The following NALF1 variants were observed in gnomAD, a reference collection of about 807,000 sequenced individuals.
NALF1 encodes family with sequence similarity 155 member A.
A neutral mutation model predicts 48.4 loss-of-function variants in NALF1; 3 were observed. The observed-to-expected ratio is 0.06, with a 90% CI of 0.03 to 0.16. The LOEUF (loss-of-function observed/expected upper bound fraction) is 0.16. Ranked by LOEUF, NALF1 falls within the 10% of genes least tolerant of loss-of-function variation. The pLI is 1.00. For missense variants in NALF1, 526 were observed against 571.5 expected (o/e 0.92, Z 0.81); for synonymous variants, 262 against 245.7 (o/e 1.07, Z -0.62).
At chr13:107,175,545 T>G (rs1271072590) in intron 2 of NALF1, among the ~76,000 whole-genome samples, 1 of 152,198 alleles carries the variant, frequency 6.6e-6, no homozygotes, top group Non-Finnish European at 1.5e-5. Context: ...CAATGTCTTT[T>G]TGGTTGGGAC....
At chr13:107,682,543 G>A (rs1202499072) in intron 1 of NALF1, among the ~76,000 whole-genome samples, 2 of 151,982 alleles carry the variant, frequency 1.3e-5, no homozygotes, top group Non-Finnish European at 2.9e-5. Flanking sequence ...CGAGGCCCCC[G>A]GGACCTCCCA....
At chr13:107,841,184 T>G (rs1382409068) in intron 1 of NALF1, among the ~76,000 whole-genome samples, 2 of 152,222 alleles carry the variant, frequency 1.3e-5, no homozygotes, top group Non-Finnish European at 2.9e-5. Context: ...ATTACACTTA[T>G]GCATATTTGA....
At chr13:107,447,822 C>G (rs1395912256) in intron 1 of NALF1, among the ~76,000 whole-genome samples, 1 of 152,154 alleles carries the variant, frequency 6.6e-6, no homozygotes. Flanking sequence ...GCCACGGAAC[C>G]TGCATCATCA....
intron 1 of NALF1, among the ~76,000 whole-genome samples, chr13:107,581,755 T>A (rs1235551056): frequency 1.3e-5 from 2 of 152,182 alleles, no homozygotes; most frequent in Non-Finnish European, 2.9e-5. Flanking sequence ...ATTGCATCTA[T>A]TTTTCTTCAT....
At chr13:107,620,362 G>A (rs1879487978) in intron 1 of NALF1, among the ~76,000 whole-genome samples, 2 of 152,178 alleles carry the variant, frequency 1.3e-5, no homozygotes, top group Admixed American at 1.3e-4. Flanking sequence ...AGAATAACGT[G>A]CTATCATTGG....
At chr13:107,399,079 T>C (rs1230412666) in intron 1 of NALF1, among the ~76,000 whole-genome samples, 1 of 152,116 alleles carries the variant, frequency 6.6e-6, no homozygotes, top group Non-Finnish European at 1.5e-5. Flanking sequence ...AAACCAATAC[T>C]GTTATAGATT....
chr13:107,478,032 C>T (rs1488259514), intron 1 of NALF1, among the ~76,000 whole-genome samples: 1 of 152,146 alleles, frequency 6.6e-6, no homozygotes, highest in Non-Finnish European at 1.5e-5. Context: ...ACCTACCATC[C>T]TGCTCCCTGC....
chr13:107,188,735 T>A (rs548016961), intron 2 of NALF1, among the ~76,000 whole-genome samples: 6 of 152,300 alleles, frequency 3.9e-5, no homozygotes, highest in South Asian at 2.1e-4. Context: ...CCCAGCTGTA[T>A]GTGGACAAGA....
At chr13:107,528,170 T>C (rs1352596732) in intron 1 of NALF1, among the ~76,000 whole-genome samples, 1 of 152,106 alleles carries the variant, frequency 6.6e-6, no homozygotes, top group Non-Finnish European at 1.5e-5. Flanking sequence ...AGTAATACCA[T>C]AATCTGCATG....
At chr13:107,625,296 GA>G (rs1238493397) in intron 1 of NALF1, among the ~76,000 whole-genome samples, 3 of 152,054 alleles carry the variant, frequency 2.0e-5, no homozygotes, top group African/African-American at 7.2e-5. Context: ...GGGGCTAAAC[GA>G]AAAGCACCTT....
At chr13:107,448,243 C>T (rs1884682543) in intron 1 of NALF1, among the ~76,000 whole-genome samples, 1 of 152,120 alleles carries the variant, frequency 6.6e-6, no homozygotes, top group Non-Finnish European at 1.5e-5. Context: ...TTCTGTCCAC[C>T]TGTGCCCAGC....
intron 1 of NALF1, among the ~76,000 whole-genome samples, chr13:107,832,693 A>T (rs1279619095): frequency 6.6e-6 from 1 of 152,162 alleles, no homozygotes; most frequent in Non-Finnish European, 1.5e-5. Context: ...TGTGGCAGCC[A>T]GAAGCCTTTG....
At chr13:107,516,653 T>A (rs901942656) in intron 1 of NALF1, among the ~76,000 whole-genome samples, 2 of 152,186 alleles carry the variant, frequency 1.3e-5, no homozygotes, top group Non-Finnish European at 2.9e-5. Flanking sequence ...TCTTTTAAGA[T>A]CTCTGCTATA....
At chr13:107,482,454 T>C (rs1011779195) in intron 1 of NALF1, among the ~76,000 whole-genome samples, 2 of 152,154 alleles carry the variant, frequency 1.3e-5, no homozygotes, top group Non-Finnish European at 2.9e-5. Flanking sequence ...ATTTATAATA[T>C]GCTTCCATAT....
At chr13:107,398,109 C>T (rs1038473937) in intron 1 of NALF1, among the ~76,000 whole-genome samples, 5 of 152,036 alleles carry the variant, frequency 3.3e-5, no homozygotes, top group Non-Finnish European at 7.4e-5. Flanking sequence ...TTTTTTTCTC[C>T]ACATTTCATT....
chr13:107,823,053 TG>T (rs1879404711), intron 1 of NALF1, among the ~76,000 whole-genome samples: 2 of 152,210 alleles, frequency 1.3e-5, no homozygotes, highest in African/African-American at 4.8e-5. Flanking sequence ...CGGCTGACCA[TG>T]GGAAATGCTG....
rs908309167 is a variant in NALF1, at chr13:107,165,363, G to A, written c.*5134C>T. 2 of 152,138 alleles carry A rather than the reference G, an allele frequency of 1.3e-5. No individual in the cohort carries two copies. The highest frequency in any genetic ancestry group is 4.8e-5 in the African/African-American group (2 of 41,430). The allele number at this position is 152,138 out of a possible 1,614,324, so 9.4% of individuals were successfully genotyped here. On this transcript the variant is annotated 3_prime_UTR_variant, in exon 3 of 3. Transcript: ENST00000375915. ...TCTTCAAGTGTGTCTGAGACCTAGGGATCCCACTGTGCCTCGGAGCCAGCT... is the reference window on the plus strand; with the variant it reads ...TCTTCAAGTGTGTCTGAGACCTAGGAATCCCACTGTGCCTCGGAGCCAGCT...
chr13:107,637,341 A>T (rs1386614352), intron 1 of NALF1, among the ~76,000 whole-genome samples: 1 of 151,960 alleles, frequency 6.6e-6, no homozygotes, highest in East Asian at 1.9e-4. Context: ...TATTTGGGGA[A>T]TTTTTATTAT....
At chr13:107,418,831 C>G (rs763221044) in intron 1 of NALF1, among the ~76,000 whole-genome samples, 1 of 152,122 alleles carries the variant, frequency 6.6e-6, no homozygotes, top group African/African-American at 2.4e-5. Flanking sequence ...ACCCCTGAAA[C>G]ACAAATCACT....
Sources: allele counts gnomAD v4.1 joint callset (sites outside exome capture counted in the v4.1 genomes callset), GRCh38; gene constraint gnomAD v4.1.1; transcripts MANE v1.5; gene names NCBI Gene and HGNC (gene_info 2026-07-23, HGNC 2026-07-21).